The following SOX6 variants were observed in gnomAD, a reference collection of about 807,000 sequenced individuals.
SOX6 encodes the protein transcription factor SOX-6.
A neutral mutation model predicts 97.8 loss-of-function variants in SOX6; 11 were observed. That is an observed-to-expected ratio of 0.11 (90% CI 0.07 to 0.19). The LOEUF (loss-of-function observed/expected upper bound fraction) is 0.19, where lower values mean the gene tolerates loss of function less well. Among genes scored for constraint, SOX6 ranks in the 10% least tolerant of loss-of-function variants. The pLI, the probability that SOX6 is intolerant of heterozygous loss-of-function variation, is 1.00. For missense variants in SOX6, 810 were observed against 1,039.5 expected, an observed-to-expected ratio of 0.78 and a Z score of 3.04; for synonymous variants, 360 against 371.4, an observed-to-expected ratio of 0.97 and a Z score of 0.35.
chr11:16,273,851 A>T (rs1854324780), intron 3 of SOX6, among the ~76,000 whole-genome samples: 1 of 152,084 alleles, frequency 6.6e-6, no homozygotes, highest in Admixed American at 6.6e-5. Context: ...AGTGAAAAAA[A>T]GTCAGAAAAA....
At chr11:16,163,108 AGAG>A (rs962475653) in intron 6 of SOX6, among the ~76,000 whole-genome samples, 3 of 152,176 alleles carry the variant, frequency 2.0e-5, no homozygotes, top group African/African-American at 7.2e-5. Context: ...GTATGAAAAA[AGAG>A]GAGGGAAGAG....
intron 3 of SOX6, among the ~76,000 whole-genome samples, chr11:16,253,607 T>C (rs1853585639): frequency 6.6e-6 from 1 of 151,974 alleles, no homozygotes; most frequent in Non-Finnish European, 1.5e-5. Context: ...CTGGGCTCAC[T>C]AGTAGACTGG....
chr11:16,643,280 G>A (rs762475293), intron 3 of SOX6, among the ~76,000 whole-genome samples: 1 of 152,200 alleles, frequency 6.6e-6, no homozygotes, highest in Non-Finnish European at 1.5e-5. Flanking sequence ...TGGAAGTTTT[G>A]TCTCAGAGGG....
rs1856190988 is a variant in SOX6 at position 16,328,866 on chromosome 11, T to A, written c.238-10213A>T. On this transcript the variant is annotated intron_variant, in intron 2 of 15. Transcript: ENST00000683767. ...CAGAGGAAAAAAGTATGTTTTTTTCTAATGTGACATACTGTAAAGAAAAGG... is the reference window on the plus strand; with the variant it reads ...CAGAGGAAAAAAGTATGTTTTTTTCAAATGTGACATACTGTAAAGAAAAGG... Among the ~76,000 whole-genome samples the A allele has an allele frequency of 9.8e-5, 15 of 152,296 alleles. No homozygotes were observed. The South Asian group carries it at 3.1e-3, about 32-fold the overall frequency.
intron 4 of SOX6, among the ~76,000 whole-genome samples, chr11:16,533,397 CA>C (rs1192514494): frequency 2.0e-5 from 3 of 151,542 alleles, no homozygotes; most frequent in Non-Finnish European, 4.4e-5. Context: ...GTATTAAGAT[CA>C]AAAAAATACT....
intron 3 of SOX6, among the ~76,000 whole-genome samples, chr11:16,671,842 C>G (rs1470049502): frequency 6.6e-6 from 1 of 152,194 alleles, no homozygotes; most frequent in Non-Finnish European, 1.5e-5. Context: ...TCAAGACACA[C>G]AGCCATCAGA....
chr11:16,659,810 G>A (rs76713941), intron 3 of SOX6, among the ~76,000 whole-genome samples: 3,133 of 152,048 alleles, frequency 0.021, 117 homozygotes, highest in African/African-American at 0.072. Flanking sequence ...TTTTATATAC[G>A]GGGGCCTATT....
chr11:16,553,003 ATATAAG>A (rs1847706792), intron 4 of SOX6, among the ~76,000 whole-genome samples: 1 of 152,230 alleles, frequency 6.6e-6, no homozygotes, highest in African/African-American at 2.4e-5. Flanking sequence ...ATCATTTTTG[ATATAAG>A]TATTACATTA....
chr11:16,609,088 AACTT>A (rs1192314989), intron 4 of SOX6, among the ~76,000 whole-genome samples: 4 of 152,214 alleles, frequency 2.6e-5, no homozygotes, highest in South Asian at 4.1e-4. Context: ...AGACACCTGA[AACTT>A]AATCTCAGTG....
chr11:16,666,116 A>G (rs79261412), intron 3 of SOX6, among the ~76,000 whole-genome samples: 3,437 of 152,308 alleles, frequency 0.023, 138 homozygotes, highest in African/African-American at 0.079. Context: ...TACAAAGACT[A>G]CAATGAATAC....
At chr11:16,155,648 A>C (rs1564987761) in intron 6 of SOX6, among the ~76,000 whole-genome samples, 1 of 152,126 alleles carries the variant, frequency 6.6e-6, no homozygotes, top group Non-Finnish European at 1.5e-5. Flanking sequence ...ATCATTAGCT[A>C]TTATGTTAAC....
upstream of SOX6, among the ~76,000 whole-genome samples, chr11:16,479,304 C>T (rs1352173641): frequency 1.3e-5 from 2 of 151,990 alleles, no homozygotes; most frequent in Non-Finnish European, 2.9e-5. Flanking sequence ...CTGAGGCAGG[C>T]GGATCACTTG....
In SOX6 at chr11:15,969,723, A is replaced by T. The variant is rs1017575436; in HGVS notation, c.*3086T>A. On this transcript the variant is annotated 3_prime_UTR_variant, in exon 16 of 16. Coordinates refer to ENST00000683767, the MANE Select transcript of SOX6 (RefSeq NM_001367873.1). ...ATGTTATATTTACACAATTAGAAAA[A>T]TCTAAAATGAGATGGTAAAGTCATA... The T allele has an allele frequency of 2.0e-5, 3 of 152,280 alleles. No homozygotes were observed. The highest frequency in any genetic ancestry group is 4.4e-5 in the Non-Finnish European group (3 of 68,052). 9.4% of individuals were successfully genotyped at this position (152,280 alleles called of 1,614,324 possible). A position where few individuals can be genotyped will look rare whatever the true frequency, so the allele number is the denominator to read the frequency against.
At chr11:16,279,572 C>G (rs769532307) in intron 3 of SOX6, among the ~76,000 whole-genome samples, 1 of 151,960 alleles carries the variant, frequency 6.6e-6, no homozygotes, top group African/African-American at 2.4e-5. Context: ...ATTTTTAATA[C>G]AGAGTCCTTG....
chr11:16,560,558 CGT>C (rs1847802242), intron 4 of SOX6, among the ~76,000 whole-genome samples: 4 of 101,666 alleles, frequency 3.9e-5, no homozygotes, highest in Non-Finnish European at 8.6e-5. Context: ...TATGTTTATA[CGT>C]ACATATATGT....
At chr11:16,408,535 A>G (rs1226246009) in intron 1 of SOX6, among the ~76,000 whole-genome samples, 1 of 152,170 alleles carries the variant, frequency 6.6e-6, no homozygotes, top group African/African-American at 2.4e-5. Context: ...AAGAACAGAC[A>G]AGGACAGAAA....
rs138627095 is a variant in SOX6 at position 16,258,830 on chromosome 11, T to TACAC, written c.446-24163_446-24160dup. Among the ~76,000 whole-genome samples, 124 of 149,804 alleles carry TACAC rather than the reference T, an allele frequency of 8.3e-4. 1 individual carries two copies. Among genetic ancestry groups the TACAC allele is most frequent in the Admixed American group, 2.3e-3 (34 of 14,940 alleles). On this transcript the variant is annotated intron_variant, in intron 3 of 15. Coordinates refer to ENST00000683767, the MANE Select transcript of SOX6 (RefSeq NM_001367873.1). ...GAGGGACGGGCTATATACATGTATA[T>TACAC]ACACACACACACACATATATATACA... is the stretch of plus-strand genomic sequence containing the variant.
At chr11:16,308,089 T>C (rs918288107) in intron 3 of SOX6, among the ~76,000 whole-genome samples, 1 of 152,184 alleles carries the variant, frequency 6.6e-6, no homozygotes, top group Non-Finnish European at 1.5e-5. Flanking sequence ...CTTGAAGCCA[T>C]GGCTTTGTCC....
At chr11:16,443,663 A>G (rs1859553863) in intron 1 of SOX6, among the ~76,000 whole-genome samples, 1 of 152,130 alleles carries the variant, frequency 6.6e-6, no homozygotes, top group Non-Finnish European at 1.5e-5. Context: ...TGTACAAATG[A>G]TCTTGCTACC....
Sources: gnomAD v4.1 joint callset for allele counts (sites outside exome capture counted in the v4.1 genomes callset) on GRCh38, gnomAD v4.1.1 for gene constraint, MANE v1.5 for transcripts, NCBI Gene and HGNC (gene_info 2026-07-23, HGNC 2026-07-21) for gene names.